The following RYR2 variants were observed in gnomAD, a reference collection of about 807,000 sequenced individuals.
RYR2 encodes the protein cardiac muscle ryanodine receptor-calcium release channel.
RYR2 carries 227 observed loss-of-function variants against 601.1 expected under a neutral mutation model. The ratio of observed to expected loss-of-function variants is 0.38; its 90% CI spans 0.34 to 0.42. RYR2 has a LOEUF of 0.42. RYR2 is among the 10% of genes least tolerant of loss of function. The pLI is 1.00. For missense variants in RYR2, 4,646 were observed against 6,156.5 expected (o/e 0.75, Z 8.21); for synonymous variants, 2,223 against 2,175.1 (o/e 1.02, Z -0.61).
intron 1 of RYR2, among the ~76,000 whole-genome samples, chr1:237,237,708 A>T (rs948954452): frequency 6.6e-6 from 1 of 152,292 alleles, no homozygotes; most frequent in Admixed American, 6.5e-5. Context: ...TCTTGTGGGG[A>T]AAATCTACAT....
At chr1:237,737,960 G>C (rs1691291965) in intron 79 of RYR2, among the ~76,000 whole-genome samples, 1 of 152,114 alleles carries the variant, frequency 6.6e-6, no homozygotes, top group African/African-American at 2.4e-5. Context: ...GACTATTGTT[G>C]ATTATTAATA....
rs557584322 is a variant in RYR2, at chr1:237,446,767, A to G, written c.1292+1245A>G. 2.2e-4 allele frequency among the ~76,000 whole-genome samples: 34 copies of G among 152,312 alleles called. No homozygotes were observed. In the South Asian group the frequency reaches 6.8e-3, roughly 31 times the overall value. On this transcript the variant is annotated intron_variant, in intron 14 of 104. Transcript: ENST00000366574. ...CTCAACTCCAAGCCTCATCAGATGC[A>G]GTAAAGCTTAAATCGAATGGGGTAT... is the stretch of plus-strand genomic sequence containing the variant.
At chr1:237,529,638 C>T (rs1170811985) in intron 24 of RYR2, among the ~76,000 whole-genome samples, 1 of 151,986 alleles carries the variant, frequency 6.6e-6, no homozygotes, top group Non-Finnish European at 1.5e-5. Flanking sequence ...AAATATTATG[C>T]CGTTATTTCT....
In RYR2 at chr1:237,391,462, C is replaced by T. The variant is rs558053684; in HGVS notation, c.773+3279C>T. 6.6e-5 allele frequency among the ~76,000 whole-genome samples: 10 copies of T among 152,096 alleles called. No homozygotes were observed. The East Asian group carries it at 7.7e-4, about 12-fold the overall frequency. On this transcript the variant is annotated intron_variant, in intron 10 of 104. Transcript: ENST00000366574. The stretch of plus-strand genomic sequence containing the variant: ...CTCATTAATTGTATGCTGTTGTTAA[C>T]GTTAAATAACTAAAGTCCAATTTAC...
At chr1:237,739,640 T>A (rs1691443414) in intron 79 of RYR2, among the ~76,000 whole-genome samples, 2 of 152,232 alleles carry the variant, frequency 1.3e-5, no homozygotes, top group Non-Finnish European at 2.9e-5. Context: ...AGTGTTCCAT[T>A]CTTTCTTGGT....
intron 17 of RYR2, among the ~76,000 whole-genome samples, chr1:237,486,581 G>A (rs1475471688): frequency 6.6e-6 from 1 of 152,110 alleles, no homozygotes; most frequent in Non-Finnish European, 1.5e-5. Context: ...GAGAGGAAAG[G>A]CAGCTAATGT....
At chr1:237,407,319 C>A (rs866193913) in intron 10 of RYR2, among the ~76,000 whole-genome samples, 1 of 151,842 alleles carries the variant, frequency 6.6e-6, no homozygotes, top group African/African-American at 2.4e-5. Flanking sequence ...TATCAAGAAG[C>A]ACAATTGGTG....
chr1:237,736,683 A>G (rs1691180398), intron 79 of RYR2, among the ~76,000 whole-genome samples: 1 of 152,100 alleles, frequency 6.6e-6, no homozygotes, highest in Admixed American at 6.6e-5. Flanking sequence ...GAGAGAGAGA[A>G]GCACTGAAAG....
At chr1:237,521,102 T>C (rs1490269438) in intron 24 of RYR2, among the ~76,000 whole-genome samples, 2 of 152,060 alleles carry the variant, frequency 1.3e-5, no homozygotes, top group Non-Finnish European at 2.9e-5. Flanking sequence ...ATCAGATGGA[T>C]TTACAGATGA....
intron 1 of RYR2, among the ~76,000 whole-genome samples, chr1:237,181,710 T>C (rs1572121581): frequency 6.6e-6 from 1 of 152,210 alleles, no homozygotes; most frequent in Non-Finnish European, 1.5e-5. Flanking sequence ...GGCTGCTGAG[T>C]GTCTTAATAG....
At chr1:237,442,429 C>G (rs1249490093) in intron 13 of RYR2, among the ~76,000 whole-genome samples, 1 of 152,136 alleles carries the variant, frequency 6.6e-6, no homozygotes, top group East Asian at 1.9e-4. Context: ...GCCAGATTTG[C>G]TTTCCTTTCC....
intron 10 of RYR2, among the ~76,000 whole-genome samples, chr1:237,396,065 T>G (rs1157192208): frequency 6.6e-6 from 1 of 152,220 alleles, no homozygotes; most frequent in Non-Finnish European, 1.5e-5. Context: ...AAAAAATAAC[T>G]CTTGCACTTT....
At chr1:237,496,283 C>T (rs926467996) in intron 19 of RYR2, among the ~76,000 whole-genome samples, 11 of 152,246 alleles carry the variant, frequency 7.2e-5, no homozygotes, top group Non-Finnish European at 1.0e-4. Context: ...TGGCACTCGC[C>T]TTTAGTGCCA....
At chr1:237,075,391 G>A (rs1664898331) in intron 1 of RYR2, among the ~76,000 whole-genome samples, 1 of 146,682 alleles carries the variant, frequency 6.8e-6, no homozygotes. Context: ...GGGAGTGCCA[G>A]ACAGTGGGCG....
chr1:237,357,947 C>T (rs1373322132), intron 4 of RYR2, among the ~76,000 whole-genome samples: 1 of 152,148 alleles, frequency 6.6e-6, no homozygotes, highest in Non-Finnish European at 1.5e-5. Flanking sequence ...GTAAATGTTG[C>T]AGCAAATTTT....
At chr1:237,283,299 C>T (rs1691099910) in intron 2 of RYR2, among the ~76,000 whole-genome samples, 3 of 152,122 alleles carry the variant, frequency 2.0e-5, no homozygotes, top group African/African-American at 7.2e-5. Context: ...TCCTCTCTTT[C>T]TCATTCACTT....
At chr1:237,635,686 AGTACTC>A (rs1680803201) in intron 44 of RYR2, among the ~76,000 whole-genome samples, 1 of 152,098 alleles carries the variant, frequency 6.6e-6, no homozygotes, top group Non-Finnish European at 1.5e-5. Flanking sequence ...TCCTCCATCC[AGTACTC>A]CCCAAAGGCT....
At chr1:237,398,496 C>T (rs1475488277) in intron 10 of RYR2, among the ~76,000 whole-genome samples, 1 of 152,080 alleles carries the variant, frequency 6.6e-6, no homozygotes, top group Non-Finnish European at 1.5e-5. Context: ...TAAATAAGCA[C>T]ATAGAAATAT....
chr1:237,786,855 T>C (rs1657651950), intron 91 of RYR2, among the ~76,000 whole-genome samples: 1 of 152,198 alleles, frequency 6.6e-6, no homozygotes, highest in African/African-American at 2.4e-5. Flanking sequence ...ATCGTTATGT[T>C]TTTGTAGTCA....
Sources: allele counts gnomAD v4.1 joint callset (sites outside exome capture counted in the v4.1 genomes callset), GRCh38; gene constraint gnomAD v4.1.1; transcripts MANE v1.5; gene names NCBI Gene and HGNC (gene_info 2026-07-23, HGNC 2026-07-21).